MYO5B: variants seen among roughly 807,000 people sequenced by gnomAD.
MYO5B encodes the protein myosin VB, also known as unconventional myosin-Vb.
MYO5B carries 143 observed loss-of-function variants against 229.3 expected under a neutral mutation model. That is an observed-to-expected ratio of 0.62 (90% CI 0.54 to 0.72). MYO5B has a LOEUF of 0.72. MYO5B is among the 30% of genes least tolerant of loss of function. MYO5B has a pLI of 0.00. For missense variants in MYO5B, 2,321 were observed against 2,331.0 expected (o/e 1.00, Z 0.09); for synonymous variants, 918 against 885.2 (o/e 1.04, Z -0.66).
chr18:50,164,849 G>A lies in MYO5B; in HGVS notation c.27+29918C>T, dbSNP rs180770522. ...TAAAAATTGGGTTTCTATCATAAGA[G>A]TAAAATAGAAAATGTCCCTTCTTGG... On this transcript the variant is annotated intron_variant, in intron 1 of 39. Transcript: ENST00000285039. Among the ~76,000 whole-genome samples the A allele has an allele frequency of 3.3e-5, 5 of 152,284 alleles. No homozygotes were observed. The East Asian group carries it at 9.6e-4, about 29-fold the overall frequency.
At chr18:49,956,957 G>A (rs1016772976) in intron 12 of MYO5B, among the ~76,000 whole-genome samples, 8 of 152,018 alleles carry the variant, frequency 5.3e-5, no homozygotes, top group African/African-American at 1.9e-4. Flanking sequence ...CTTTTTTATG[G>A]GGTGATGAAA....
At chr18:49,827,520 T>C (rs2023861764) in intron 39 of MYO5B, among the ~76,000 whole-genome samples, 1 of 152,070 alleles carries the variant, frequency 6.6e-6, no homozygotes, top group African/African-American at 2.4e-5. Context: ...TTAGGAAAAG[T>C]ACAAAAACTG....
chr18:49,851,185 CT>C (rs2024196759), intron 31 of MYO5B: 1 of 152,158 alleles, frequency 6.6e-6, no homozygotes, highest in African/African-American at 2.4e-5. Context: ...GCTTTGACGC[CT>C]GTCTTTGAGA....
rs147630188 is a variant in MYO5B at position 49,869,179 on chromosome 18, A to G, written c.3603+2988T>C. Among the ~76,000 whole-genome samples the G allele has an allele frequency of 2.6e-4, 40 of 152,292 alleles. No individual in the cohort carries two copies. In the East Asian group the frequency reaches 7.7e-3, roughly 29 times the overall value. Reference sequence around the variant, plus strand: ...CACAGTACACTTCCCATCCCTTTGCACACTTCAGAGCATTCAGGAGGGATG... The same window carrying G: ...CACAGTACACTTCCCATCCCTTTGCGCACTTCAGAGCATTCAGGAGGGATG... On this transcript the variant is annotated intron_variant, in intron 27 of 39. Coordinates refer to ENST00000285039, the MANE Select transcript of MYO5B (RefSeq NM_001080467.3).
chr18:50,147,873 C>T (rs901686859), intron 1 of MYO5B, among the ~76,000 whole-genome samples: 3 of 152,026 alleles, frequency 2.0e-5, no homozygotes, highest in African/African-American at 7.2e-5. Flanking sequence ...AAACAGGAGG[C>T]AGAAACTGTT....
chr18:50,070,149 G>A (rs1598996840), intron 1 of MYO5B, among the ~76,000 whole-genome samples: 1 of 150,392 alleles, frequency 6.6e-6, no homozygotes, highest in East Asian at 2.0e-4. Flanking sequence ...AGCCTCCCTA[G>A]TAGCTGGGAT....
At chr18:50,096,130 T>C (rs1179136705) in intron 1 of MYO5B, among the ~76,000 whole-genome samples, 2 of 152,118 alleles carry the variant, frequency 1.3e-5, no homozygotes, top group Admixed American at 6.5e-5. Context: ...ACTTCCCATA[T>C]ATGAAAAGGA....
At chr18:49,880,585 C>T (rs1461022586) in intron 22 of MYO5B, 130 bp from the exon 23 acceptor site, 1 of 785,890 alleles carries the variant, frequency 1.3e-6, no homozygotes, top group South Asian at 1.4e-5. Context: ...GTTAAAGCTT[C>T]TTTTGTTTTC....
At chr18:50,009,631 G>A (rs979899421) in intron 4 of MYO5B, among the ~76,000 whole-genome samples, 3 of 152,162 alleles carry the variant, frequency 2.0e-5, no homozygotes, top group Admixed American at 6.5e-5. Flanking sequence ...AGTCAAGTCA[G>A]GTGAGAAGGT....
intron 1 of MYO5B, among the ~76,000 whole-genome samples, chr18:50,066,139 T>A (rs1309931988): frequency 6.6e-6 from 1 of 152,194 alleles, no homozygotes; most frequent in Non-Finnish European, 1.5e-5. Context: ...AACTCCATGA[T>A]AAAAATATCA....
chr18:49,946,963 A>G (rs2025380530), intron 14 of MYO5B, among the ~76,000 whole-genome samples: 1 of 97,812 alleles, frequency 1.0e-5, no homozygotes, highest in African/African-American at 4.2e-5. Flanking sequence ...TCCGCAAAAG[A>G]CCCAGGCAAG....
At chr18:49,867,681 C>T (rs2024412229) in intron 27 of MYO5B, among the ~76,000 whole-genome samples, 1 of 152,132 alleles carries the variant, frequency 6.6e-6, no homozygotes, top group African/African-American at 2.4e-5. Context: ...ACGGGATGAG[C>T]GTTACCACTG....
chr18:50,186,267 C>A (rs549523195), intron 1 of MYO5B, among the ~76,000 whole-genome samples: 1 of 152,312 alleles, frequency 6.6e-6, no homozygotes, highest in Non-Finnish European at 1.5e-5. Context: ...AGAGAACATG[C>A]CTAAGTGGTC....
chr18:49,847,251 C>T lies in MYO5B; in HGVS notation c.4354G>A (p.Glu1452Lys), dbSNP rs1341317037. ...TGGACCGTGACCTGCCTGTTGAGCT[C>T]ATGGCGCTTCCTCTCACTCTGGGCC... ...ALAQSERKRH[E>K]LNRQVTVQRK... Residue 1452 changes from glutamate to lysine, a missense_variant, in exon 33 of 40, where the codon GAG becomes AAG. By Grantham distance (56) the Glu-to-Lys change is moderately conservative. Coordinates refer to ENST00000285039, the MANE Select transcript of MYO5B (RefSeq NM_001080467.3). 3 of 1,613,914 alleles carry T rather than the reference C, an allele frequency of 1.9e-6. No homozygotes were observed. Among genetic ancestry groups the T allele is most frequent in the Admixed American group, 1.7e-5 (1 of 60,028 alleles).
At chr18:50,020,574 A>C (rs751405354) in intron 4 of MYO5B, among the ~76,000 whole-genome samples, 15 of 152,172 alleles carry the variant, frequency 9.9e-5, no homozygotes, top group Non-Finnish European at 1.6e-4. Context: ...AGCATGTTCA[A>C]TGCTGAAATC....
chr18:49,844,939 G>A (rs893935081), intron 33 of MYO5B, among the ~76,000 whole-genome samples: 1 of 152,238 alleles, frequency 6.6e-6, no homozygotes, highest in Non-Finnish European at 1.5e-5. Flanking sequence ...TACCTAAGAG[G>A]TAGGTGGTCG....
At position 49,826,588 on chromosome 18, in the gene MYO5B, C is replaced by A; in HGVS notation, c.5430G>T (p.Leu1810=). 6.2e-7 allele frequency: 1 copy of A among 1,613,822 alleles called. No individual in the cohort carries two copies. Among genetic ancestry groups the A allele is most frequent in the Non-Finnish European group, 8.5e-7 (1 of 1,179,932 alleles). Residue 1810 remains leucine (L), a synonymous_variant, in exon 40 of 40, where the codon CTG becomes CTT. Coordinates refer to ENST00000285039, the MANE Select transcript of MYO5B (RefSeq NM_001080467.3). ...QLQERNDPQQ[L]LLDAKHMFPV... The stretch of plus-strand genomic sequence containing the variant: ...GAAACATGTGCTTGGCATCTAATAG[C>A]AGTTGCTGAGGGTCATTCCGCTCTT...
chr18:50,193,307 C>T (rs1568140345), intron 1 of MYO5B, among the ~76,000 whole-genome samples: 1 of 152,254 alleles, frequency 6.6e-6, no homozygotes, highest in Non-Finnish European at 1.5e-5. Flanking sequence ...CGTCGCCCAT[C>T]CCTGATCGCT....
intron 8 of MYO5B, among the ~76,000 whole-genome samples, chr18:49,981,387 C>T (rs1407626120): frequency 6.6e-6 from 1 of 152,152 alleles, no homozygotes; most frequent in South Asian, 2.1e-4. Context: ...TTTATTCAGG[C>T]TAAAAAACAG....
Sources: allele counts gnomAD v4.1 joint callset (sites outside exome capture counted in the v4.1 genomes callset), GRCh38; gene constraint gnomAD v4.1.1; transcripts MANE v1.5; gene names NCBI Gene and HGNC (gene_info 2026-07-23, HGNC 2026-07-21).